Variants in LRRC4C observed in about 807,000 individuals in gnomAD.
LRRC4C encodes the protein leucine rich repeat containing 4C.
LRRC4C carries 5 observed loss-of-function variants against 33.6 expected under a neutral mutation model. The ratio of observed to expected loss-of-function variants is 0.15; its 90% CI spans 0.08 to 0.31. LRRC4C has a LOEUF of 0.31. Among genes scored for constraint, LRRC4C ranks in the 10% least tolerant of loss-of-function variants. The probability of loss-of-function intolerance (pLI) is 1.00; values close to 1 mark genes in which losing one functional copy is unlikely to be tolerated. For missense variants in LRRC4C, 560 were observed against 796.7 expected, an observed-to-expected ratio of 0.70 and a Z score of 3.58; for synonymous variants, 329 against 302.0, an observed-to-expected ratio of 1.09 and a Z score of -0.93.
intron 1 of LRRC4C, among the ~76,000 whole-genome samples, chr11:40,990,217 T>C (rs355236): frequency 0.59 from 76,696 of 129,680 alleles, 22,934 homozygotes; most frequent in South Asian, 0.66. Flanking sequence ...AATATTTGAA[T>C]AGTATGTCAA....
At chr11:41,397,686 A>T (rs1383995249) in intron 1 of LRRC4C, among the ~76,000 whole-genome samples, 1 of 151,304 alleles carries the variant, frequency 6.6e-6, no homozygotes, top group Non-Finnish European at 1.5e-5. Flanking sequence ...CTAAAAAAAA[A>T]AAAAGATATT....
chr11:41,205,136 A>G (rs1338844623), intron 1 of LRRC4C, among the ~76,000 whole-genome samples: 2 of 152,196 alleles, frequency 1.3e-5, no homozygotes, highest in African/African-American at 4.8e-5. Context: ...ACATAAAAAA[A>G]GTAAGTGTGA....
chr11:40,945,081 G>A (rs548739759), intron 1 of LRRC4C, among the ~76,000 whole-genome samples: 2 of 144,622 alleles, frequency 1.4e-5, no homozygotes, highest in South Asian at 2.2e-4. Context: ...GGGCTGGAGC[G>A]CAGTGGCGCG....
intron 1 of LRRC4C, among the ~76,000 whole-genome samples, chr11:40,941,800 A>G (rs996401011): frequency 1.3e-5 from 2 of 152,194 alleles, no homozygotes; most frequent in African/African-American, 4.8e-5. Context: ...GAAGTAAGGC[A>G]ATATTTTTTC....
chr11:40,808,018 A>T (rs1411537487), intron 2 of LRRC4C, among the ~76,000 whole-genome samples: 1 of 152,194 alleles, frequency 6.6e-6, no homozygotes, highest in Non-Finnish European at 1.5e-5. Flanking sequence ...TATCATGAGC[A>T]AGTGACTTAA....
intron 3 of LRRC4C, among the ~76,000 whole-genome samples, chr11:40,428,843 G>A (rs1950809442): frequency 6.6e-6 from 1 of 152,128 alleles, no homozygotes; most frequent in South Asian, 2.1e-4. Context: ...TAGTTGAAAT[G>A]AAATCCAATT....
chr11:40,597,244 A>G (rs774567265), intron 3 of LRRC4C, among the ~76,000 whole-genome samples: 1 of 152,118 alleles, frequency 6.6e-6, no homozygotes, highest in Non-Finnish European at 1.5e-5. Context: ...ACTATCATCA[A>G]TTATATGCAC....
intron 1 of LRRC4C, among the ~76,000 whole-genome samples, chr11:41,249,323 C>T (rs984691959): frequency 1.3e-5 from 2 of 152,096 alleles, no homozygotes; most frequent in South Asian, 2.1e-4. Flanking sequence ...CGTGAGCCAC[C>T]GCGCCCGGCC....
intron 4 of LRRC4C, among the ~76,000 whole-genome samples, chr11:40,250,333 T>C (rs1866686798): frequency 6.6e-6 from 1 of 152,182 alleles, no homozygotes. Flanking sequence ...GTAATCTTTG[T>C]CTATAGATAT....
At chr11:40,922,022 T>C (rs552647286) in intron 2 of LRRC4C, among the ~76,000 whole-genome samples, 137 of 152,276 alleles carry the variant, frequency 9.0e-4, no homozygotes, top group Middle Eastern at 3.4e-3. Flanking sequence ...ACAAATTCAA[T>C]GTTTGGCAAT....
rs541095545 is a variant in LRRC4C at position 41,458,225 on chromosome 11, T to A, written c.-496+1206A>T. On this transcript the variant is annotated intron_variant, in intron 1 of 6. Transcript: ENST00000528697. ...ACCTGTCATCTCTTCCATGAACGTG[T>A]CCACAGTAACAGTTCAAGTTGGCTA... Among the ~76,000 whole-genome samples the A allele has an allele frequency of 8.5e-5, 13 of 152,254 alleles. No homozygotes were observed. In the East Asian group the frequency reaches 1.4e-3, roughly 16 times the overall value.
chr11:40,371,418 G>A (rs1948444047), intron 3 of LRRC4C, among the ~76,000 whole-genome samples: 1 of 152,152 alleles, frequency 6.6e-6, no homozygotes, highest in Non-Finnish European at 1.5e-5. Context: ...CATAGGCATG[G>A]ACTTTGCAGC....
At chr11:41,006,726 G>T (rs1321291603) in intron 1 of LRRC4C, among the ~76,000 whole-genome samples, 1 of 152,088 alleles carries the variant, frequency 6.6e-6, no homozygotes, top group African/African-American at 2.4e-5. Context: ...AAAAGAGAGA[G>T]ACTAGAGAAA....
At chr11:40,704,544 G>C (rs1946046949) in intron 2 of LRRC4C, among the ~76,000 whole-genome samples, 1 of 152,108 alleles carries the variant, frequency 6.6e-6, no homozygotes, top group Non-Finnish European at 1.5e-5. Context: ...AGACTGTAGT[G>C]ATTACAGAGT....
intron 1 of LRRC4C, among the ~76,000 whole-genome samples, chr11:41,128,153 TATA>T (rs1305189905): frequency 4.6e-5 from 7 of 152,078 alleles, no homozygotes; most frequent in African/African-American, 1.7e-4. Flanking sequence ...ATTAGAAGAC[TATA>T]ATGAGTATCA....
intron 1 of LRRC4C, among the ~76,000 whole-genome samples, chr11:41,261,194 A>G (rs1948972096): frequency 6.6e-6 from 1 of 152,072 alleles, no homozygotes. Flanking sequence ...CTGCCAGGTG[A>G]GAACACTGCA....
chr11:41,223,557 T>C (rs983068935), intron 1 of LRRC4C, among the ~76,000 whole-genome samples: 10 of 152,198 alleles, frequency 6.6e-5, no homozygotes, highest in African/African-American at 1.9e-4. Flanking sequence ...CAGGTCAATA[T>C]GGAGAAGTAC....
intron 3 of LRRC4C, among the ~76,000 whole-genome samples, chr11:40,611,409 A>C (rs768390650): frequency 1.8e-4 from 27 of 151,740 alleles, no homozygotes; most frequent in Non-Finnish European, 3.7e-4. Context: ...AAGCTATAAA[A>C]CTCTCATTAG....
chr11:40,977,335 T>C (rs1378551856), intron 1 of LRRC4C, among the ~76,000 whole-genome samples: 1 of 152,184 alleles, frequency 6.6e-6, no homozygotes, highest in Non-Finnish European at 1.5e-5. Flanking sequence ...CTCAAGTCAG[T>C]GGAGTTTGCA....
Sources: allele counts gnomAD v4.1 joint callset (sites outside exome capture counted in the v4.1 genomes callset), GRCh38; gene constraint gnomAD v4.1.1; transcripts MANE v1.5; gene names NCBI Gene and HGNC (gene_info 2026-07-23, HGNC 2026-07-21).